Variants in SDK2 observed in about 807,000 individuals in gnomAD.
SDK2 encodes the protein protein sidekick-2.
A neutral mutation model predicts 253.9 loss-of-function variants in SDK2; 105 were observed. The ratio of observed to expected loss-of-function variants is 0.41; its 90% CI spans 0.35 to 0.49. SDK2 has a LOEUF of 0.49. Ranked by LOEUF, SDK2 falls within the 20% of genes least tolerant of loss-of-function variation. The pLI is 0.06. For synonymous variants in SDK2, 1,249 were observed against 1,234.9 expected, an observed-to-expected ratio of 1.01 and a Z score of -0.24; for missense variants, 2,608 against 3,003.0, an observed-to-expected ratio of 0.87 and a Z score of 3.07.
At chr17:73,345,644 C>G (rs1405762151) in intron 44 of SDK2, among the ~76,000 whole-genome samples, 1 of 152,140 alleles carries the variant, frequency 6.6e-6, no homozygotes, top group Non-Finnish European at 1.5e-5. Flanking sequence ...CACACAGAGT[C>G]TTACCTGTGC....
At chr17:73,365,167 ACT>A (rs1325539430) in intron 38 of SDK2, 89 bp downstream of exon 38, 1 of 930,890 alleles carries the variant, frequency 1.1e-6, no homozygotes, top group East Asian at 2.9e-5. Flanking sequence ...ACCGAATCTC[ACT>A]CATGTGTAGT....
chr17:73,355,174 A>ATTTTTTTTTTT (rs770032791), intron 40 of SDK2, among the ~76,000 whole-genome samples: 518 of 47,150 alleles, frequency 0.011, 54 homozygotes, highest in South Asian at 0.018. Context: ...ATATATATAT[A>ATTTTTTTTTTT]TTTTTTTTTT....
rs117569898 is a variant in SDK2, at chr17:73,477,883, A to G, written c.225-5665T>C. On this transcript the variant is annotated intron_variant, in intron 2 of 44. Transcript: ENST00000392650. ...TGGGTGACCTGCAACCTTAATCTCT[A>G]TTCAACGAGGAAGAGCTGCTGGGTT... Among the ~76,000 whole-genome samples the G allele has an allele frequency of 1.1e-4, 16 of 152,284 alleles. No homozygotes were observed. In the East Asian group the frequency reaches 3.1e-3, roughly 29 times the overall value.
At chr17:73,357,081 A>G (rs2133269) in intron 40 of SDK2, among the ~76,000 whole-genome samples, 79,611 of 152,150 alleles carry the variant, frequency 0.52, 20,918 homozygotes, top group Non-Finnish European at 0.54. Flanking sequence ...CCAGCCCCGC[A>G]TGCATCCTCC....
chr17:73,392,934 C>A (rs2062939934), intron 27 of SDK2, among the ~76,000 whole-genome samples: 1 of 152,072 alleles, frequency 6.6e-6, no homozygotes, highest in African/African-American at 2.4e-5. Flanking sequence ...CAAAGTGAAC[C>A]TGCTCCAGTT....
chr17:73,527,826 T>C (rs943015969), intron 1 of SDK2, among the ~76,000 whole-genome samples: 5 of 152,144 alleles, frequency 3.3e-5, no homozygotes, highest in African/African-American at 1.2e-4. Context: ...CCATCCTATG[T>C]GGAAACTGTT....
chr17:73,571,510 G>T (rs1427793146), intron 1 of SDK2, among the ~76,000 whole-genome samples: 1 of 152,214 alleles, frequency 6.6e-6, no homozygotes, highest in East Asian at 1.9e-4. Context: ...GTCCTGGGGG[G>T]AACATGTGGG....
At chr17:73,610,758 T>C (rs2045963527) in intron 1 of SDK2, among the ~76,000 whole-genome samples, 2 of 152,226 alleles carry the variant, frequency 1.3e-5, no homozygotes, top group Non-Finnish European at 2.9e-5. Flanking sequence ...TGAGCATATG[T>C]ATCTATATAT....
chr17:73,395,340 AT>A lies in SDK2; in HGVS notation c.3406del (p.Ile1136SerfsTer13), dbSNP rs755308806. 6.2e-7 allele frequency: 1 copy of A among 1,613,834 alleles called. No homozygotes were observed. The highest frequency in any genetic ancestry group is 8.5e-7 in the Non-Finnish European group (1 of 1,179,880). On this transcript the variant is annotated frameshift_variant, in exon 25 of 45. Coordinates refer to ENST00000392650, the MANE Select transcript of SDK2 (RefSeq NM_001144952.2). LOFTEE classifies it high-confidence loss of function. The surrounding 1 kb of genome is among the most constrained non-coding windows in gnomAD (Gnocchi z 4.3). ...ATGCCCGTCTGACCGGCTGTACTTG[AT>A]CTTATAGCCCACGGACTCAGGGTTC... ...NGNPESVGYK[I>X]KYSRSDGHGK...
rs763272669 is a variant in SDK2, at chr17:73,391,566, A to G, written c.3899-28T>C. The G allele has an allele frequency of 6.6e-6, 8 of 1,209,110 alleles. No individual in the cohort carries two copies. In the East Asian group the frequency reaches 2.4e-4, roughly 37 times the overall value. 74.9% of individuals were successfully genotyped at this position (1,209,110 alleles called of 1,614,324 possible). On this transcript the variant is annotated intron_variant, in intron 27 of 44. Transcript: ENST00000392650. Reference sequence around the variant, plus strand: ...GGAGGGGGCAAAGGAGAGGAGGCCGACCCATGAGGCTGCCGCTCAGCTGGG... The same window carrying G: ...GGAGGGGGCAAAGGAGAGGAGGCCGGCCCATGAGGCTGCCGCTCAGCTGGG...
intron 1 of SDK2, among the ~76,000 whole-genome samples, chr17:73,525,588 C>T (rs1599648649): frequency 1.3e-5 from 2 of 152,222 alleles, no homozygotes; most frequent in Non-Finnish European, 2.9e-5. Flanking sequence ...TGGGAGGCGG[C>T]GAGGTGGCTC....
intron 4 of SDK2, among the ~76,000 whole-genome samples, chr17:73,448,927 C>T (rs1205423964): frequency 6.6e-6 from 1 of 152,076 alleles, no homozygotes; most frequent in South Asian, 2.1e-4. Context: ...TCTCAAAGTA[C>T]TGGGATTACA....
chr17:73,429,140 A>G (rs1488002935), intron 12 of SDK2, among the ~76,000 whole-genome samples: 1 of 152,044 alleles, frequency 6.6e-6, no homozygotes, highest in East Asian at 1.9e-4. Context: ...GATTTAAAGT[A>G]TACTGAATTT....
chr17:73,492,601 C>T (rs982385788), intron 2 of SDK2, among the ~76,000 whole-genome samples: 6 of 152,004 alleles, frequency 3.9e-5, no homozygotes, highest in African/African-American at 1.5e-4. Flanking sequence ...CCAGGGGCTG[C>T]CAGTTAGAGC....
chr17:73,505,899 C>G (rs2063931752), intron 2 of SDK2, among the ~76,000 whole-genome samples: 2 of 152,216 alleles, frequency 1.3e-5, no homozygotes, highest in Non-Finnish European at 2.9e-5. Context: ...AAAGGCAGGC[C>G]ATTCCACATG....
intron 1 of SDK2, among the ~76,000 whole-genome samples, chr17:73,585,877 TAA>T (rs1353584436): frequency 2.0e-5 from 3 of 152,088 alleles, no homozygotes; most frequent in Non-Finnish European, 4.4e-5. Context: ...GTCTCTAACA[TAA>T]AGACTGGAAA....
intron 36 of SDK2, among the ~76,000 whole-genome samples, chr17:73,378,914 G>A (rs923113567): frequency 6.6e-6 from 1 of 152,176 alleles, no homozygotes; most frequent in Admixed American, 6.5e-5. Context: ...GGGATGGCTA[G>A]AGTTTCTTGC....
chr17:73,549,608 G>A (rs1229357748), intron 1 of SDK2, among the ~76,000 whole-genome samples: 1 of 151,970 alleles, frequency 6.6e-6, no homozygotes, highest in African/African-American at 2.4e-5. Flanking sequence ...AAGAGGGAGT[G>A]TCTAAGTCAA....
chr17:73,536,437 C>T (rs143148262), intron 1 of SDK2, among the ~76,000 whole-genome samples: 192 of 152,158 alleles, frequency 1.3e-3, no homozygotes, highest in South Asian at 2.3e-3. Flanking sequence ...CCGAGGCTTC[C>T]GCTGACCCCT....
Sources: gnomAD v4.1 joint callset for allele counts (sites outside exome capture counted in the v4.1 genomes callset) on GRCh38, gnomAD v4.1.1 for gene constraint, Gnocchi (gnomAD v3.1) non-coding constraint, MANE v1.5 for transcripts, NCBI Gene and HGNC (gene_info 2026-07-23, HGNC 2026-07-21) for gene names.